GRK3: variants seen among roughly 807,000 people sequenced by gnomAD.
GRK3 encodes adrenergic, beta, receptor kinase 2.
A neutral mutation model predicts 95.7 loss-of-function variants in GRK3; 54 were observed. The ratio of observed to expected loss-of-function variants is 0.56; its 90% CI spans 0.45 to 0.71. GRK3 has a LOEUF of 0.71. Ranked by LOEUF, GRK3 falls within the 30% of genes least tolerant of loss-of-function variation. The pLI is 0.00. For synonymous variants in GRK3, 281 were observed against 290.8 expected, an observed-to-expected ratio of 0.97 and a Z score of 0.34; for missense variants, 649 against 851.2, an observed-to-expected ratio of 0.76 and a Z score of 2.96.
chr22:25,615,679 A>G lies in GRK3; in HGVS notation c.190+11226A>G, dbSNP rs925258580. On this transcript the variant is annotated intron_variant, in intron 2 of 20. Transcript: ENST00000324198. ...CCTTAGGGAACAAAAGCAGAAATCC[A>G]CACCCTTATGGAGTTAACTCCTCCT... 3.1e-4 allele frequency among the ~76,000 whole-genome samples: 44 copies of G among 140,830 alleles called. 1 individual carries two copies. The highest frequency in any genetic ancestry group is 2.8e-3 in the Admixed American group (39 of 14,072). The allele number at this position is 140,830 out of a possible 152,430, so 92.4% of individuals were successfully genotyped here.
chr22:25,661,799 T>G, intron 4 of GRK3, 122 bp downstream of exon 4: 1 of 534,802 alleles, frequency 1.9e-6, no homozygotes, highest in Non-Finnish European at 3.3e-6. Flanking sequence ...ACGCCCGGGA[T>G]GGATCCTATT....
intron 19 of GRK3, among the ~76,000 whole-genome samples, chr22:25,720,288 A>AGCTACATAATAT (rs1371416972): frequency 1.3e-5 from 2 of 152,182 alleles, no homozygotes; most frequent in African/African-American, 4.8e-5. Context: ...CTATTTAAGA[A>AGCTACATAATAT]GCTACATAAT....
At chr22:25,704,492 C>A (rs2085284301) in intron 15 of GRK3, among the ~76,000 whole-genome samples, 1 of 152,174 alleles carries the variant, frequency 6.6e-6, no homozygotes, top group Admixed American at 6.5e-5. Flanking sequence ...TCACTGCAAC[C>A]TCCACCTCCT....
chr22:25,583,108 G>A (rs1335016660), intron 1 of GRK3, among the ~76,000 whole-genome samples: 3 of 152,118 alleles, frequency 2.0e-5, no homozygotes, highest in African/African-American at 7.2e-5. Context: ...CTAGGGAAGA[G>A]AGGGGGTAGG....
intron 1 of GRK3, among the ~76,000 whole-genome samples, chr22:25,571,176 C>T (rs1931689171): frequency 6.6e-6 from 1 of 152,126 alleles, no homozygotes; most frequent in South Asian, 2.1e-4. Context: ...CAGAAAGCCA[C>T]TGTCATTGCT....
intron 3 of GRK3, among the ~76,000 whole-genome samples, chr22:25,652,589 GTAAGTAATAATTTTAGTA>G (rs1220647541): frequency 6.6e-6 from 1 of 152,134 alleles, no homozygotes; most frequent in Non-Finnish European, 1.5e-5. Context: ...GGGGGTTAGT[GTAAGTAATAATTTTAGTA>G]TAAGTAATAA....
chr22:25,728,720 T>C lies in GRK3; in HGVS notation c.*6270T>C, dbSNP rs1183408588. The C allele has an allele frequency of 6.6e-6, 1 of 152,196 alleles. No homozygotes were observed. The highest frequency in any genetic ancestry group is 6.5e-5 in the Admixed American group (1 of 15,286). The allele number at this position is 152,196 out of a possible 1,614,324, so 9.4% of individuals were successfully genotyped here. ...CATTTGAGTGTGACTTTTTCCCCCC[T>C]TCACTATTTCAAAATGGTTTTGAAA... On this transcript the variant is annotated 3_prime_UTR_variant, in exon 21 of 21. Transcript: ENST00000324198.
chr22:25,578,583 A>G (rs1931990956), intron 1 of GRK3, among the ~76,000 whole-genome samples: 1 of 152,148 alleles, frequency 6.6e-6, no homozygotes, highest in South Asian at 2.1e-4. Context: ...TGGATTATCT[A>G]GGTGGGCCCT....
chr22:25,566,955 G>GT (rs925513947), intron 1 of GRK3, among the ~76,000 whole-genome samples: 27 of 148,138 alleles, frequency 1.8e-4, no homozygotes, highest in South Asian at 2.1e-4. Flanking sequence ...CTTCTGTTCA[G>GT]TTTTTTTTTT....
At chr22:25,690,900 C>T (rs1193508645) in intron 12 of GRK3, among the ~76,000 whole-genome samples, 4 of 152,136 alleles carry the variant, frequency 2.6e-5, no homozygotes, top group African/African-American at 4.8e-5. Flanking sequence ...AGGTCCTCTA[C>T]GTGATCACCC....
chr22:25,675,159 C>T (rs1302997906), intron 8 of GRK3, among the ~76,000 whole-genome samples: 1 of 152,112 alleles, frequency 6.6e-6, no homozygotes, highest in Non-Finnish European at 1.5e-5. Flanking sequence ...CCCATCAGAT[C>T]ACATGACAAA....
intron 1 of GRK3, among the ~76,000 whole-genome samples, chr22:25,598,690 A>C (rs2084388740): frequency 6.6e-6 from 1 of 151,794 alleles, no homozygotes. Flanking sequence ...AAAAGGTGGC[A>C]ATTCTTCCCA....
chr22:25,595,008 A>G (rs1197476666), intron 1 of GRK3, among the ~76,000 whole-genome samples: 1 of 152,230 alleles, frequency 6.6e-6, no homozygotes. Flanking sequence ...CTAGATATTG[A>G]AGGGACATAC....
At chr22:25,565,932 A>G (rs1199717066) in intron 1 of GRK3, among the ~76,000 whole-genome samples, 1 of 152,198 alleles carries the variant, frequency 6.6e-6, no homozygotes, top group African/African-American at 2.4e-5. Context: ...TTGTTAAATT[A>G]TCAAAGGAGG....
intron 11 of GRK3, among the ~76,000 whole-genome samples, chr22:25,689,529 T>C (rs1452343033): frequency 6.6e-6 from 1 of 152,240 alleles, no homozygotes; most frequent in African/African-American, 2.4e-5. Flanking sequence ...TATAATTCAA[T>C]GTATATCCGA....
intron 3 of GRK3, chr22:25,648,146 A>G: frequency 3.1e-6 from 2 of 646,040 alleles, no homozygotes; most frequent in South Asian, 1.8e-5. Context: ...AGAACAAAAC[A>G]AAACAAAAAC....
intron 1 of GRK3, among the ~76,000 whole-genome samples, chr22:25,595,328 T>G (rs2146331861): frequency 6.6e-6 from 1 of 152,308 alleles, no homozygotes; most frequent in Admixed American, 6.5e-5. Context: ...AAAATCAATG[T>G]ACAGAAATCA....
chr22:25,583,722 T>A (rs571501554), intron 1 of GRK3, among the ~76,000 whole-genome samples: 1 of 152,300 alleles, frequency 6.6e-6, no homozygotes, highest in Admixed American at 6.5e-5. Context: ...TCTTTTCCTT[T>A]TCCTCCCAAT....
chr22:25,710,791 A>T (rs1350853441), intron 16 of GRK3, among the ~76,000 whole-genome samples: 1 of 152,244 alleles, frequency 6.6e-6, no homozygotes, highest in Non-Finnish European at 1.5e-5. Flanking sequence ...ACGGATATGC[A>T]GTCCTGAGAT....
Sources: allele counts gnomAD v4.1 joint callset (sites outside exome capture counted in the v4.1 genomes callset), GRCh38; gene constraint gnomAD v4.1.1; transcripts MANE v1.5; gene names NCBI Gene and HGNC (gene_info 2026-07-23, HGNC 2026-07-21).